Variants in ARHGEF12 observed in about 807,000 individuals in gnomAD.
ARHGEF12 encodes the protein KMT2A/ARHGEF12 fusion protein.
Under a neutral mutation model 211.2 loss-of-function variants are expected in ARHGEF12, and 66 were observed. The observed-to-expected ratio is 0.31, with a 90% confidence interval of 0.26 to 0.38. ARHGEF12 has a LOEUF of 0.38. Ranked by LOEUF, ARHGEF12 falls within the 10% of genes least tolerant of loss-of-function variation. The pLI, the probability that ARHGEF12 is intolerant of heterozygous loss-of-function variation, is 1.00. For synonymous variants in ARHGEF12, 592 were observed against 638.4 expected, an observed-to-expected ratio of 0.93 and a Z score of 1.09; for missense variants, 1,429 against 1,869.5, an observed-to-expected ratio of 0.76 and a Z score of 4.34.
chr11:120,442,096 C>T lies in ARHGEF12; in HGVS notation c.1204-8C>T. On this transcript the variant is annotated splice_polypyrimidine_tract_variant and splice_region_variant and intron_variant, in intron 14 of 40. Transcript: ENST00000397843. Reference sequence around the variant, plus strand: ...ATTTTGTCTTTTTCATTCCTTTCTCCACTACAGCTCTGTTATCTCTATTCA... The same window carrying T: ...ATTTTGTCTTTTTCATTCCTTTCTCTACTACAGCTCTGTTATCTCTATTCA... 1 of 1,564,188 alleles carries T rather than the reference C, an allele frequency of 6.4e-7. No homozygotes were observed. The highest frequency in any genetic ancestry group is 1.9e-5 in the Admixed American group (1 of 52,990).
chr11:120,481,511 G>A lies in ARHGEF12; in HGVS notation c.4489G>A (p.Ala1497Thr), dbSNP rs1438531834. The A allele has an allele frequency of 6.2e-7, 1 of 1,614,236 alleles. No individual in the cohort carries two copies. The highest frequency in any genetic ancestry group is 8.5e-7 in the Non-Finnish European group (1 of 1,180,044). Residue 1497 changes from alanine to threonine, a missense_variant, in exon 39 of 41, where the codon GCA (alanine) becomes ACA (threonine). Transcript: ENST00000397843. ...TGAGATCCAGAGTCCCTCCTCTTGT[G>A]CAGATTCACAGAGCCAGATCATGGA... ...CFEIQSPSSC[A>T]DSQSQIMEYI...
intron 11 of ARHGEF12, among the ~76,000 whole-genome samples, chr11:120,432,602 G>A (rs1945581218): frequency 6.6e-6 from 1 of 152,118 alleles, no homozygotes; most frequent in East Asian, 1.9e-4. Flanking sequence ...CTGAACGAAT[G>A]TTTTGTAATT....
Position 120,457,113 on chromosome 11 carries a change from T to C in ARHGEF12, c.2057-5T>C. 4.3e-6 allele frequency: 7 copies of C among 1,613,490 alleles called. No homozygotes were observed. Among genetic ancestry groups the C allele is most frequent in the Non-Finnish European group, 5.9e-6 (7 of 1,179,780 alleles). On this transcript the variant is annotated splice_region_variant and splice_polypyrimidine_tract_variant and intron_variant, in intron 22 of 40. Transcript: ENST00000397843. Reference sequence around the variant, plus strand: ...ACTCTTCAAATGTCTGACTTTTGTCTACAGGATCAAAGCAAGTTGGAGAAA... The same window carrying C: ...ACTCTTCAAATGTCTGACTTTTGTCCACAGGATCAAAGCAAGTTGGAGAAA...
At chr11:120,457,480 A>G (rs1946397803) in intron 23 of ARHGEF12, 1 of 424,294 alleles carries the variant, frequency 2.4e-6, no homozygotes, top group African/African-American at 2.0e-5. Flanking sequence ...AAAAAATAAA[A>G]TAAATAAATA....
At chr11:120,373,072 A>G (rs1943632488) in intron 1 of ARHGEF12, among the ~76,000 whole-genome samples, 1 of 152,200 alleles carries the variant, frequency 6.6e-6, no homozygotes, top group South Asian at 2.1e-4. Flanking sequence ...CTTTAAAATA[A>G]CCATTATATA....
At chr11:120,424,891 A>G (rs796080974) in intron 7 of ARHGEF12, among the ~76,000 whole-genome samples, 9 of 152,328 alleles carry the variant, frequency 5.9e-5, no homozygotes, top group African/African-American at 2.2e-4. Context: ...CATCTAGCAC[A>G]ATCACTTTCC....
chr11:120,376,082 T>C (rs1456144784), intron 1 of ARHGEF12, among the ~76,000 whole-genome samples: 1 of 152,160 alleles, frequency 6.6e-6, no homozygotes, highest in Non-Finnish European at 1.5e-5. Context: ...ACCAAAATAA[T>C]GTTTATCAGA....
intron 12 of ARHGEF12, 42 bp from the exon 13 acceptor site, chr11:120,440,087 C>G (rs1014858577): frequency 2.2e-6 from 3 of 1,392,502 alleles, no homozygotes; most frequent in African/African-American, 2.9e-5. Context: ...TAAATTTGAC[C>G]ACCAGGTAAT....
At chr11:120,465,056 G>A (rs1352375747) in intron 27 of ARHGEF12, 181 bp from the exon 28 acceptor site, 8 of 705,690 alleles carry the variant, frequency 1.1e-5, no homozygotes, top group African/African-American at 7.1e-5. Flanking sequence ...ATCAGAAAAG[G>A]TCTGGTTGTG....
intron 1 of ARHGEF12, among the ~76,000 whole-genome samples, chr11:120,373,693 T>A (rs947333286): frequency 1.8e-4 from 27 of 152,202 alleles, no homozygotes; most frequent in African/African-American, 5.8e-4. Context: ...TATGTTTTTT[T>A]CCCCCTTCTA....
chr11:120,442,715 A>T (rs1381177587), intron 15 of ARHGEF12, among the ~76,000 whole-genome samples: 1 of 152,114 alleles, frequency 6.6e-6, no homozygotes, highest in Non-Finnish European at 1.5e-5. Flanking sequence ...TTAAAGTAGT[A>T]AGTTTTATTA....
intron 1 of ARHGEF12, among the ~76,000 whole-genome samples, chr11:120,347,179 C>CTTTCTTTCTTTCTTTCTTTCTTT (rs1555090022): frequency 3.1e-5 from 3 of 95,410 alleles, no homozygotes; most frequent in Non-Finnish European, 7.0e-5. Context: ...TTCCTTCCTT[C>CTTTCTTTCTTTCTTTCTTTCTTT]CTTCCTTTCT....
intron 1 of ARHGEF12, among the ~76,000 whole-genome samples, chr11:120,401,795 G>C (rs1944554479): frequency 6.6e-6 from 1 of 152,242 alleles, no homozygotes; most frequent in Non-Finnish European, 1.5e-5. Context: ...ATACCACTTG[G>C]TAAATTAAAT....
chr11:120,478,074 T>C (rs572511600), intron 36 of ARHGEF12, 82 bp from the exon 37 acceptor site: 24 of 909,822 alleles, frequency 2.6e-5, no homozygotes, highest in African/African-American at 1.9e-4. Flanking sequence ...TTTTTTTTTT[T>C]CTGATTCTTC....
At chr11:120,377,121 G>A (rs1312020836) in intron 1 of ARHGEF12, among the ~76,000 whole-genome samples, 4 of 152,084 alleles carry the variant, frequency 2.6e-5, no homozygotes, top group Admixed American at 2.6e-4. Flanking sequence ...AGGCCTCTTT[G>A]ATATACTGAC....
intron 1 of ARHGEF12, among the ~76,000 whole-genome samples, chr11:120,373,664 T>C (rs2135420065): frequency 6.6e-6 from 1 of 152,338 alleles, no homozygotes; most frequent in Admixed American, 6.5e-5. Context: ...GGTAGGACTT[T>C]GGGTTTTTTT....
Position 120,449,150 on chromosome 11 carries a change from G to A in ARHGEF12, c.1779G>A (p.Lys593=), listed in dbSNP as rs1263427038. ...KKDKEGEEKG[K]RRGFPSILGP... ...ATAAAGAAGGGGAAGAAAAAGGGAA[G>A]CGAAGAGGATTCCCCAGCATCCTGG... Residue 593 remains lysine, a synonymous_variant, in exon 21 of 41, where the codon AAG becomes AAA. Coordinates refer to ENST00000397843, the MANE Select transcript of ARHGEF12 (RefSeq NM_015313.3). 2 of 1,614,136 alleles carry A rather than the reference G, an allele frequency of 1.2e-6. No homozygotes were observed. The highest frequency in any genetic ancestry group is 1.7e-6 in the Non-Finnish European group (2 of 1,179,990).
At chr11:120,399,144 G>A (rs993143482) in intron 1 of ARHGEF12, among the ~76,000 whole-genome samples, 1 of 151,092 alleles carries the variant, frequency 6.6e-6, no homozygotes, top group African/African-American at 2.4e-5. Flanking sequence ...GCAAGACCTG[G>A]TCTCTACAAA....
Position 120,486,024 on chromosome 11 carries a change from C to T in ARHGEF12, c.*947C>T, listed in dbSNP as rs1947388433. 1 of 231,154 alleles carries T rather than the reference C, an allele frequency of 4.3e-6. No individual in the cohort carries two copies. 14.3% of individuals were successfully genotyped at this position (231,154 alleles called of 1,614,324 possible). A position where few individuals can be genotyped will look rare whatever the true frequency, so the allele number is the denominator to read the frequency against. Reference sequence around the variant, plus strand: ...TGTAAAACTGTCCCTGCAGATTGAGCAGGAAGTAAAAACAAATGGAAATGC... The same window carrying T: ...TGTAAAACTGTCCCTGCAGATTGAGTAGGAAGTAAAAACAAATGGAAATGC... On this transcript the variant is annotated 3_prime_UTR_variant, in exon 41 of 41. Coordinates refer to ENST00000397843, the MANE Select transcript of ARHGEF12 (RefSeq NM_015313.3).
Sources: allele counts gnomAD v4.1 joint callset (sites outside exome capture counted in the v4.1 genomes callset), GRCh38; gene constraint gnomAD v4.1.1; transcripts MANE v1.5; gene names NCBI Gene and HGNC (gene_info 2026-07-23, HGNC 2026-07-21).